The following AFF2 variants were observed in gnomAD, a reference collection of about 807,000 sequenced individuals.
AFF2 encodes ALF transcription elongation factor 2.
AFF2 carries 14 observed loss-of-function variants against 76.9 expected under a neutral mutation model. The ratio of observed to expected loss-of-function variants is 0.18; its 90% confidence interval spans 0.12 to 0.28. AFF2 has a LOEUF of 0.28. AFF2 is among the 10% of genes least tolerant of loss of function. The pLI is 1.00. For synonymous variants in AFF2, 398 were observed against 366.7 expected (o/e 1.09, Z -0.98); for missense variants, 868 against 1,001.1 (o/e 0.87, Z 1.79).
At chrX:148,696,306 G>T (rs1276020092) in intron 3 of AFF2, among the ~76,000 whole-genome samples, 1 of 109,333 alleles carries the variant, frequency 9.1e-6, no homozygotes, top group African/African-American at 3.3e-5. Context: ...TTGTGGGGTG[G>T]GGGGAGAGGG....
At chrX:148,703,096 G>C (rs1557262014) in intron 3 of AFF2, among the ~76,000 whole-genome samples, 1 of 111,713 alleles carries the variant, frequency 9.0e-6, no homozygotes, top group Admixed American at 9.5e-5. Context: ...ACAGACAAAA[G>C]TACATATAAA....
intron 3 of AFF2, among the ~76,000 whole-genome samples, chrX:148,799,681 A>G (rs1557270780): frequency 8.9e-6 from 1 of 112,471 alleles, no homozygotes; most frequent in Non-Finnish European, 1.9e-5. Context: ...ATTTAGAGCC[A>G]GAAAATTATT....
rs1323233586 is a variant in AFF2 at position 148,692,048 on chromosome X, T to TTCCTC, written c.1041+29281_1041+29282insCCTCT. 3.6e-4 allele frequency among the ~76,000 whole-genome samples: 39 copies of TTCCTC among 108,697 alleles called. 1 individual carries two copies. Among genetic ancestry groups the TTCCTC allele is most frequent in the African/African-American group, 1.1e-3 (34 of 30,111 alleles). 94.4% of individuals were successfully genotyped at this position (108,697 alleles called of 115,157 possible). ...GTTCCTTAGGTTGCAAAAATGTTCT[T>TTCCTC]TTTTTTTTTTGCCTGATTTGTAGAT... On this transcript the variant is annotated intron_variant, in intron 3 of 20. Coordinates refer to ENST00000370460, the MANE Select transcript of AFF2 (RefSeq NM_002025.4).
intron 1 of AFF2, among the ~76,000 whole-genome samples, chrX:148,508,225 A>G (rs1485413570): frequency 8.9e-6 from 1 of 112,234 alleles, no homozygotes; most frequent in African/African-American, 3.2e-5. Flanking sequence ...TCTCTGCATC[A>G]TCTACCATCT....
intron 8 of AFF2, among the ~76,000 whole-genome samples, chrX:148,892,346 T>A (rs978272892): frequency 1.0e-5 from 1 of 99,419 alleles, no homozygotes; most frequent in Non-Finnish European, 2.1e-5. Context: ...TTTCTTTTTT[T>A]AAATCTTCAG....
At chrX:148,885,748 A>C (rs1283703564) in intron 7 of AFF2, 141 bp from the exon 8 acceptor site, 1 of 511,352 alleles carries the variant, frequency 2.0e-6, no homozygotes, top group Non-Finnish European at 3.4e-6. Context: ...AGCTGAAACA[A>C]TCTTGGTTCC....
intron 3 of AFF2, among the ~76,000 whole-genome samples, chrX:148,803,535 A>G (rs2070087847): frequency 9.0e-6 from 1 of 111,539 alleles, no homozygotes; most frequent in African/African-American, 3.3e-5. Flanking sequence ...TTCTAACAGT[A>G]ATATTTCTAG....
intron 8 of AFF2, among the ~76,000 whole-genome samples, chrX:148,898,062 C>A (rs2071314597): frequency 8.9e-6 from 1 of 112,181 alleles, no homozygotes; most frequent in Admixed American, 9.4e-5. Context: ...TTCCAATTGA[C>A]AAATGGATCT....
At chrX:148,882,434 A>T (rs1010259049) in intron 7 of AFF2, among the ~76,000 whole-genome samples, 4 of 112,213 alleles carry the variant, frequency 3.6e-5, no homozygotes, top group Admixed American at 9.5e-5. Context: ...CAGCATTTTT[A>T]CACCAAGATG....
intron 3 of AFF2, among the ~76,000 whole-genome samples, chrX:148,691,446 G>A (rs782385714): frequency 5.4e-5 from 6 of 111,990 alleles, no homozygotes; most frequent in East Asian, 2.8e-4. Context: ...AGTCTAGAGC[G>A]GAGACACATG....
chrX:148,871,728 G>C (rs782440150), intron 7 of AFF2, among the ~76,000 whole-genome samples: 1 of 111,398 alleles, frequency 9.0e-6, no homozygotes, highest in South Asian at 3.9e-4. Flanking sequence ...AAGTCAGGGA[G>C]GAGGAGAAGA....
At chrX:148,754,185 T>C (rs2055533993) in intron 3 of AFF2, among the ~76,000 whole-genome samples, 1 of 111,624 alleles carries the variant, frequency 9.0e-6, no homozygotes, top group African/African-American at 3.3e-5. Context: ...ACATTGATTA[T>C]ACAATAGATG....
chrX:148,905,683 A>G (rs1188479516), intron 9 of AFF2, among the ~76,000 whole-genome samples: 3 of 112,597 alleles, frequency 2.7e-5, no homozygotes, highest in Admixed American at 1.9e-4. Flanking sequence ...AAGGCCCTCA[A>G]TGGCAAATGT....
chrX:148,514,048 A>G (rs1370088476), intron 1 of AFF2, among the ~76,000 whole-genome samples: 2 of 111,902 alleles, frequency 1.8e-5, no homozygotes, highest in African/African-American at 6.5e-5. Flanking sequence ...CATTGTTCAT[A>G]GGAATTTGAA....
chrX:148,608,269 A>G (rs2053692103), intron 1 of AFF2, among the ~76,000 whole-genome samples: 1 of 111,653 alleles, frequency 9.0e-6, no homozygotes, highest in African/African-American at 3.3e-5. Flanking sequence ...TTATGAAGCT[A>G]TCATAAGGTC....
At chrX:148,749,698 C>T (rs1219259044) in intron 3 of AFF2, among the ~76,000 whole-genome samples, 1 of 110,446 alleles carries the variant, frequency 9.1e-6, no homozygotes, top group Non-Finnish European at 1.9e-5. Flanking sequence ...CCAGACCCTA[C>T]GTGCTGCACC....
At position 148,967,432 on chromosome X, in the gene AFF2, C is replaced by T. The variant is rs532260651; in HGVS notation, c.3204-197C>T. Among the ~76,000 whole-genome samples the T allele has an allele frequency of 1.3e-4, 15 of 112,135 alleles. No homozygotes were observed. In the South Asian group the frequency reaches 5.6e-3, roughly 42 times the overall value. On this transcript the variant is annotated intron_variant, in intron 14 of 20. Coordinates refer to ENST00000370460, the MANE Select transcript of AFF2 (RefSeq NM_002025.4). ...GGGTTGGAGCATGTGGTTATTTATC[C>T]TAATGGGCCATTATGTACTTCAGAT...
chrX:148,983,563 A>G (rs782211186), intron 19 of AFF2, among the ~76,000 whole-genome samples: 3 of 112,151 alleles, frequency 2.7e-5, no homozygotes, highest in African/African-American at 9.7e-5. Flanking sequence ...TTAAGTTAGA[A>G]AAGATAATGA....
chrX:148,642,229 G>T (rs782718009), intron 1 of AFF2, among the ~76,000 whole-genome samples: 11 of 112,325 alleles, frequency 9.8e-5, no homozygotes, highest in African/African-American at 3.6e-4. Context: ...GGTAGAATTT[G>T]CCTGGGCAAA....
Sources: gnomAD v4.1 joint callset for allele counts (sites outside exome capture counted in the v4.1 genomes callset) on GRCh38, gnomAD v4.1.1 for gene constraint, MANE v1.5 for transcripts, NCBI Gene and HGNC (gene_info 2026-07-23, HGNC 2026-07-21) for gene names.